DNHD1: variants seen among roughly 807,000 people sequenced by gnomAD.
DNHD1 encodes the protein dynein heavy chain domain 1.
A neutral mutation model predicts 458.1 loss-of-function variants in DNHD1; 383 were observed. That is an observed-to-expected ratio of 0.84 (90% CI 0.77 to 0.91). The LOEUF is 0.91. Ranked by LOEUF, DNHD1 falls within the 40% of genes least tolerant of loss-of-function variation. DNHD1 has a pLI of 0.00. For missense variants in DNHD1, 5,336 were observed against 5,866.1 expected, an observed-to-expected ratio of 0.91 and a Z score of 2.95; for synonymous variants, 2,203 against 2,376.9, an observed-to-expected ratio of 0.93 and a Z score of 2.13.
chr11:6,498,007 T>TC lies in DNHD1; in HGVS notation c.-207dup. On this transcript the variant is annotated 5_prime_UTR_variant, in exon 3 of 43. Transcript: ENST00000254579. ...TGCTGGTCTGGCTCTGCTCTGTAGC[T>TC]CCATCTATTTCCCTGTCCCAGGTCC... The TC allele has an allele frequency of 3.0e-6, 2 of 657,560 alleles. No homozygotes were observed. The highest frequency in any genetic ancestry group is 5.2e-6 in the Non-Finnish European group (2 of 381,638). 40.7% of individuals were successfully genotyped at this position (657,560 alleles called of 1,614,324 possible). A position where few individuals can be genotyped will look rare whatever the true frequency, so the allele number is the denominator to read the frequency against.
At chr11:6,501,755 C>T (rs1006972285) in intron 3 of DNHD1, among the ~76,000 whole-genome samples, 3 of 151,990 alleles carry the variant, frequency 2.0e-5, no homozygotes, top group South Asian at 2.1e-4. Flanking sequence ...ACCAGGAACC[C>T]GTAGAGGAGC....
chr11:6,561,308 G>C (rs1260259997), intron 28 of DNHD1, among the ~76,000 whole-genome samples: 1 of 152,136 alleles, frequency 6.6e-6, no homozygotes, highest in African/African-American at 2.4e-5. Context: ...CCTATCTGTA[G>C]TTCCAGCTAC....
chr11:6,529,370 T>A (rs1046162755), intron 12 of DNHD1, among the ~76,000 whole-genome samples: 22 of 152,192 alleles, frequency 1.4e-4, no homozygotes, highest in African/African-American at 5.3e-4. Context: ...TTCCTGTGCT[T>A]GGGCTACTAA....
chr11:6,568,010 C>G (rs1054761203), intron 36 of DNHD1, 46 bp from the exon 37 acceptor site: 1 of 1,519,580 alleles, frequency 6.6e-7, no homozygotes, highest in East Asian at 2.4e-5. Context: ...TCGGGTCACC[C>G]TAGGATCACT....
Position 6,568,162 on chromosome 11 carries a change from T to C in DNHD1, c.12458T>C (p.Val4153Ala). 1.3e-6 allele frequency: 2 copies of C among 1,554,478 alleles called. No homozygotes were observed. Among genetic ancestry groups the C allele is most frequent in the Non-Finnish European group, 1.7e-6 (2 of 1,148,658 alleles). ...GCTATGTATGAGGGGCACTGGCTGG[T>C]GCTGGACAACTGTCATCTGATGCCC... is the stretch of plus-strand genomic sequence containing the variant. The part of the protein sequence containing the change: ...SQAMYEGHWL[V>A]LDNCHLMPHW... Residue 4153 changes from valine (V) to alanine (A), a missense_variant, in exon 37 of 43, where the codon GTG (valine) becomes GCG (alanine). Val to Ala is a moderately conservative substitution (Grantham distance 64, BLOSUM62 0). This residue lies in a region of DNHD1 where 695 missense variants were observed against 804.2 expected (regional missense o/e 0.86). Transcript: ENST00000254579.
At chr11:6,549,120 C>A in intron 24 of DNHD1, 187 bp downstream of exon 24, 1 of 662,462 alleles carries the variant, frequency 1.5e-6, no homozygotes, top group Non-Finnish European at 2.5e-6. Flanking sequence ...CTCATCTCTG[C>A]TTTGCTAAAT....
chr11:6,566,354 T>C lies in DNHD1; in HGVS notation c.11167T>C (p.Tyr3723His). 3 of 1,556,892 alleles carry C rather than the reference T, an allele frequency of 1.9e-6. No homozygotes were observed. The highest frequency in any genetic ancestry group is 2.6e-6 in the Non-Finnish European group (3 of 1,150,048). The change falls in exon 34 of 43, where the codon TAT becomes CAT. Residue 3723 changes from tyrosine (Y) to histidine (H), a missense_variant. Tyr to His is a moderately conservative substitution (Grantham distance 83, BLOSUM62 2). Coordinates refer to ENST00000254579, the MANE Select transcript of DNHD1 (RefSeq NM_144666.3). Reference protein sequence around the residue: ...PPQVQPGFCLYLSTTLSLCAM... With the variant: ...PPQVQPGFCLHLSTTLSLCAM... Reference sequence around the variant, plus strand: ...CCAGGTGCAGCCTGGCTTCTGTCTGTATCTCAGCACCACCCTCTCCCTCTG... The same window carrying C: ...CCAGGTGCAGCCTGGCTTCTGTCTGCATCTCAGCACCACCCTCTCCCTCTG...
At chr11:6,537,224 G>A (rs1462583934) in intron 14 of DNHD1, among the ~76,000 whole-genome samples, 1 of 152,188 alleles carries the variant, frequency 6.6e-6, no homozygotes, top group African/African-American at 2.4e-5. Context: ...AAGAACTAAT[G>A]TAGTACCCTG....
chr11:6,538,277 T>G, intron 14 of DNHD1, 106 bp from the exon 15 acceptor site: 4 of 883,752 alleles, frequency 4.5e-6, no homozygotes, highest in Non-Finnish European at 5.2e-6. Context: ...CAACCATCAC[T>G]TTCTGGACCC....
rs1460627050 is a variant in DNHD1, at chr11:6,498,277, A to T, written c.62A>T (p.Lys21Met). The change falls in exon 3 of 43, where the codon AAG (lysine) becomes ATG (methionine). Residue 21 changes from lysine (K) to methionine (M), a missense_variant. Lys to Met is a moderately conservative substitution (Grantham distance 95, BLOSUM62 -1). Transcript: ENST00000254579. ...GATGAGACATCATCTGATTCCCTTAAGTCTTGGCACTCCATATGTGTCTTG... is the reference window on the plus strand; with the variant it reads ...GATGAGACATCATCTGATTCCCTTATGTCTTGGCACTCCATATGTGTCTTG... ...SSDETSSDSL[K>M]SWHSICVLDS... 4 of 1,614,058 alleles carry T rather than the reference A, an allele frequency of 2.5e-6. No homozygotes were observed. The highest frequency in any genetic ancestry group is 3.4e-6 in the Non-Finnish European group (4 of 1,180,042).
chr11:6,566,988 T>C lies in DNHD1; in HGVS notation c.11479T>C (p.Cys3827Arg). ...RNIVRAQGKL[C>R]QLRAHCEELE... ...CATAGTGAGGGCCCAAGGAAAGCTA[T>C]GCCAGCTGCGTGCTCATTGTGAAGA... is the stretch of plus-strand genomic sequence containing the variant. The change falls in exon 36 of 43, where the codon TGC becomes CGC. Residue 3827 changes from cysteine (C) to arginine (R), a missense_variant. Around this residue, in one of 4 missense-constraint regions of DNHD1, gnomAD observed 695 missense variants for 804.2 expected, o/e 0.86. Transcript: ENST00000254579. The C allele has an allele frequency of 6.2e-7, 1 of 1,614,004 alleles. No homozygotes were observed. The highest frequency in any genetic ancestry group is 8.5e-7 in the Non-Finnish European group (1 of 1,179,878).
Position 6,544,210 on chromosome 11 carries a change from A to C in DNHD1, c.3718A>C (p.Ile1240Leu), listed in dbSNP as rs1853158490. ...CGAAAAGTCAGGAGATTTAAACAAAATAGCTTTGGAGTGGGTGGCCATCAT... is the reference window on the plus strand; with the variant it reads ...CGAAAAGTCAGGAGATTTAAACAAACTAGCTTTGGAGTGGGTGGCCATCAT... ...AIEKSGDLNK[I>L]ALEWVAIMHG... The change falls in exon 19 of 43, where the codon ATA (isoleucine) becomes CTA (leucine). Residue 1240 changes from isoleucine to leucine, a missense_variant. By Grantham distance (5) the Ile-to-Leu change is conservative. Coordinates refer to ENST00000254579, the MANE Select transcript of DNHD1 (RefSeq NM_144666.3). 1 of 1,551,608 alleles carries C rather than the reference A, an allele frequency of 6.4e-7. No homozygotes were observed. The highest frequency in any genetic ancestry group is 8.7e-7 in the Non-Finnish European group (1 of 1,146,956).
Position 6,559,013 on chromosome 11 carries a change from C to T in DNHD1, c.9323C>T (p.Pro3108Leu), listed in dbSNP as rs1853528493. 8 of 1,551,720 alleles carry T rather than the reference C, an allele frequency of 5.2e-6. No homozygotes were observed. The highest frequency in any genetic ancestry group is 6.1e-6 in the Non-Finnish European group (7 of 1,147,002). The change falls in exon 27 of 43, where the codon CCA becomes CTA. Residue 3108 changes from proline to leucine, a missense_variant. By Grantham distance (98) the Pro-to-Leu change is moderately conservative. Transcript: ENST00000254579. ...CATGAGCACCTGTGCCCTGCATTGCCACTCGTCACCCCCAAGACCTTCCTA... is the reference window on the plus strand; with the variant it reads ...CATGAGCACCTGTGCCCTGCATTGCTACTCGTCACCCCCAAGACCTTCCTA... Reference protein sequence around the residue: ...HYHEHLCPALPLVTPKTFLDF... With the variant: ...HYHEHLCPALLLVTPKTFLDF...
In DNHD1 at chr11:6,528,689, G is replaced by A. The variant is rs936212399; in HGVS notation, c.2005G>A (p.Gly669Ser). The A allele has an allele frequency of 1.7e-5, 26 of 1,551,568 alleles. No homozygotes were observed. In the African/African-American group the frequency reaches 3.3e-4, roughly 20 times the overall value. The stretch of plus-strand genomic sequence containing the variant: ...GGAGGTCCGTGGATGTCGGCTGCGG[G>A]GCCAATACTTCCCCCACAATTATAA... ...ILEVRGCRLRGQYFPHNYKQL... is the reference protein window; with the variant it reads ...ILEVRGCRLRSQYFPHNYKQL... The change falls in exon 11 of 43, where the codon GGC becomes AGC. Residue 669 changes from glycine (G) to serine (S), a missense_variant. Coordinates refer to ENST00000254579, the MANE Select transcript of DNHD1 (RefSeq NM_144666.3).
At chr11:6,566,128 G>A (rs970066863) in intron 33 of DNHD1, 113 bp from the exon 34 acceptor site, 2 of 1,490,650 alleles carry the variant, frequency 1.3e-6, no homozygotes, top group South Asian at 1.3e-5. Context: ...GCGTCTTGTG[G>A]GAACCCTCCT....
At chr11:6,500,155 G>C (rs970906669) in intron 3 of DNHD1, among the ~76,000 whole-genome samples, 2 of 152,012 alleles carry the variant, frequency 1.3e-5, no homozygotes. Flanking sequence ...AGTAGAGACA[G>C]TGTTTCGCCA....
Position 6,498,053 on chromosome 11 carries a change from T to A in DNHD1, c.-163T>A, listed in dbSNP as rs921819209. The A allele has an allele frequency of 1.4e-5, 13 of 932,430 alleles. No individual in the cohort carries two copies. The highest frequency in any genetic ancestry group is 2.1e-5 in the Non-Finnish European group (13 of 608,124). 57.8% of individuals were successfully genotyped at this position (932,430 alleles called of 1,614,324 possible). ...GGTCCTTTCTTCCTCCTAACCCCAT[T>A]GACTCTGACCATCCCCTGCCCAGAG... On this transcript the variant is annotated 5_prime_UTR_variant, in exon 3 of 43. Transcript: ENST00000254579.
At position 6,528,873 on chromosome 11, in the gene DNHD1, C is replaced by T; in HGVS notation, c.2104-5C>T. 9 of 1,551,624 alleles carry T rather than the reference C, an allele frequency of 5.8e-6. No individual in the cohort carries two copies. Among genetic ancestry groups the T allele is most frequent in the Non-Finnish European group, 7.8e-6 (9 of 1,146,940 alleles). On this transcript the variant is annotated splice_polypyrimidine_tract_variant and splice_region_variant and intron_variant, in intron 11 of 42. Transcript: ENST00000254579. ...CTCTGCCCTAAACACCTTGTCTGCC[C>T]TTAGGGCGTGCTGTGCAAGGTGCAG...
In DNHD1 at chr11:6,571,918, C is replaced by A. The variant is rs2134471829; in HGVS notation, c.14194C>A (p.Pro4732Thr). 1 of 1,614,028 alleles carries A rather than the reference C, an allele frequency of 6.2e-7. No homozygotes were observed. The highest frequency in any genetic ancestry group is 2.2e-5 in the East Asian group (1 of 44,878). Residue 4732 changes from proline to threonine, a missense_variant, in exon 43 of 43, where the codon CCC becomes ACC. Coordinates refer to ENST00000254579, the MANE Select transcript of DNHD1 (RefSeq NM_144666.3). This position sits in a 1 kb window ranked among gnomAD's most constrained non-coding sequence, Gnocchi z 5.0. ...SRNIVMHLPLPTKLTPNTCVQ... is the reference protein window; with the variant it reads ...SRNIVMHLPLTTKLTPNTCVQ... ...GAACATCGTGATGCATCTGCCTTTA[C>A]CCACCAAGCTCACCCCCAACACCTG... is the stretch of plus-strand genomic sequence containing the variant.
Sources: gnomAD v4.1 joint callset for allele counts (sites outside exome capture counted in the v4.1 genomes callset) on GRCh38, gnomAD v4.1.1 for gene constraint, gnomAD v4.1.1 regional missense constraint, Gnocchi (gnomAD v3.1) non-coding constraint, MANE v1.5 for transcripts, NCBI Gene and HGNC (gene_info 2026-07-23, HGNC 2026-07-21) for gene names.